Variants in COL25A1 observed in about 807,000 individuals in gnomAD.
COL25A1 encodes the protein collagen alpha-1(XXV) chain.
In COL25A1, 103 loss-of-function variants were observed where a neutral mutation model predicts 128.4. That is an observed-to-expected ratio of 0.80 (90% confidence interval 0.68 to 0.94). The LOEUF (loss-of-function observed/expected upper bound fraction) is 0.94. COL25A1 is among the 40% of genes least tolerant of loss of function. The probability of loss-of-function intolerance (pLI) is 0.00; values close to 1 mark genes in which losing one functional copy is unlikely to be tolerated. For synonymous variants in COL25A1, 279 were observed against 277.2 expected (o/e 1.01, Z -0.06); for missense variants, 745 against 840.0 (o/e 0.89, Z 1.40).
chr4:108,979,945 A>AGG (rs2125995151), intron 6 of COL25A1, among the ~76,000 whole-genome samples: 1 of 152,196 alleles, frequency 6.6e-6, no homozygotes, highest in East Asian at 1.9e-4. Flanking sequence ...AAGGCGATGG[A>AGG]AGATGGAGGG....
intron 3 of COL25A1, among the ~76,000 whole-genome samples, chr4:109,054,771 G>A (rs1440312316): frequency 1.3e-5 from 2 of 152,160 alleles, no homozygotes; most frequent in Non-Finnish European, 2.9e-5. Flanking sequence ...GGTCTGGGAG[G>A]GACAGAGTGA....
intron 3 of COL25A1, among the ~76,000 whole-genome samples, chr4:109,108,346 C>A (rs1255985080): frequency 1.3e-5 from 2 of 152,076 alleles, no homozygotes; most frequent in African/African-American, 2.4e-5. Context: ...CATGTCCCTA[C>A]AAAGGACATG....
intron 3 of COL25A1, among the ~76,000 whole-genome samples, chr4:109,183,056 G>A (rs549075153): frequency 6.6e-6 from 1 of 152,140 alleles, no homozygotes; most frequent in South Asian, 2.1e-4. Context: ...ACTAGGATTA[G>A]CCTAGTTACT....
intron 11 of COL25A1, chr4:108,921,116 AC>A (rs1268677559): frequency 6.5e-6 from 1 of 154,314 alleles, no homozygotes; most frequent in African/African-American, 2.4e-5. Flanking sequence ...ACTAACCTGC[AC>A]AAAAACTTGT....
At chr4:108,923,480 G>A (rs907276106) in intron 11 of COL25A1, among the ~76,000 whole-genome samples, 3 of 152,036 alleles carry the variant, frequency 2.0e-5, no homozygotes, top group African/African-American at 7.2e-5. Context: ...CAAGTAGCTG[G>A]GACTACAAGC....
chr4:108,886,829 C>T (rs1035456646), intron 18 of COL25A1, among the ~76,000 whole-genome samples: 3 of 152,128 alleles, frequency 2.0e-5, no homozygotes, highest in Non-Finnish European at 4.4e-5. Context: ...ACCTTTCACC[C>T]TCCATTACAG....
At chr4:109,239,067 T>C (rs1405400050) in intron 3 of COL25A1, among the ~76,000 whole-genome samples, 1 of 152,012 alleles carries the variant, frequency 6.6e-6, no homozygotes, top group Non-Finnish European at 1.5e-5. Context: ...AACAGGTTTC[T>C]ACTGATGGAA....
At chr4:108,995,406 A>G (rs1320767103) in intron 6 of COL25A1, among the ~76,000 whole-genome samples, 1 of 152,224 alleles carries the variant, frequency 6.6e-6, no homozygotes, top group African/African-American at 2.4e-5. Flanking sequence ...AAGTGAGAAG[A>G]CAAGATTAGA....
intron 3 of COL25A1, among the ~76,000 whole-genome samples, chr4:109,268,938 T>TC (rs1352365483): frequency 2.7e-5 from 4 of 149,168 alleles, no homozygotes. Context: ...TTCTTTTTCT[T>TC]TTTTTTTTTA....
chr4:108,840,997 G>A (rs1054367026), intron 31 of COL25A1, among the ~76,000 whole-genome samples: 11 of 152,182 alleles, frequency 7.2e-5, no homozygotes, highest in African/African-American at 2.7e-4. Context: ...TCTTCATCAC[G>A]TATGCTCCCT....
At chr4:108,841,425 A>G (rs1377679922) in intron 31 of COL25A1, among the ~76,000 whole-genome samples, 1 of 152,196 alleles carries the variant, frequency 6.6e-6, no homozygotes, top group Non-Finnish European at 1.5e-5. Context: ...TAAATGGTTG[A>G]CTTGAGTACA....
intron 3 of COL25A1, among the ~76,000 whole-genome samples, chr4:109,226,003 AC>A (rs1478106058): frequency 2.3e-4 from 31 of 134,122 alleles, no homozygotes; most frequent in Admixed American, 8.0e-4. Flanking sequence ...TAATACACAC[AC>A]ACACACACAC....
chr4:109,159,257 T>C (rs1772328482), intron 3 of COL25A1, among the ~76,000 whole-genome samples: 1 of 151,836 alleles, frequency 6.6e-6, no homozygotes, highest in Non-Finnish European at 1.5e-5. Context: ...AGGCTTTAAT[T>C]AAATTTAAAA....
At chr4:108,928,890 C>T (rs1746400975) in intron 11 of COL25A1, among the ~76,000 whole-genome samples, 1 of 152,120 alleles carries the variant, frequency 6.6e-6, no homozygotes, top group African/African-American at 2.4e-5. Flanking sequence ...ATGGTGACTG[C>T]ATTGAACAGT....
chr4:109,206,596 C>T (rs1011882661), intron 3 of COL25A1, among the ~76,000 whole-genome samples: 7 of 152,226 alleles, frequency 4.6e-5, no homozygotes, highest in South Asian at 2.1e-4. Context: ...CAACACTTTT[C>T]GATTAATTAG....
intron 6 of COL25A1, among the ~76,000 whole-genome samples, chr4:109,004,852 T>C (rs2126035688): frequency 6.6e-6 from 1 of 152,342 alleles, no homozygotes; most frequent in African/African-American, 2.4e-5. Flanking sequence ...ACCAGTTTCA[T>C]GTATTTATTT....
At chr4:108,900,922 C>T (rs897434904) in intron 14 of COL25A1, among the ~76,000 whole-genome samples, 197 bp downstream of exon 14, 25 of 152,100 alleles carry the variant, frequency 1.6e-4, no homozygotes, top group African/African-American at 5.6e-4. Flanking sequence ...TATTTTTCTG[C>T]ATTTAATACT....
At chr4:109,053,999 C>A (rs72883428) in intron 3 of COL25A1, among the ~76,000 whole-genome samples, 3,608 of 152,242 alleles carry the variant, frequency 0.024, 142 homozygotes, top group African/African-American at 0.08. Flanking sequence ...ACGAGAATGG[C>A]TTAATGGTCA....
intron 19 of COL25A1, among the ~76,000 whole-genome samples, chr4:108,869,427 C>T (rs1182757918): frequency 3.3e-5 from 5 of 152,010 alleles, no homozygotes; most frequent in Non-Finnish European, 7.4e-5. Flanking sequence ...ATGTGCAAAC[C>T]CCTGAATTTG....
Sources: allele counts gnomAD v4.1 joint callset (sites outside exome capture counted in the v4.1 genomes callset), GRCh38; gene constraint gnomAD v4.1.1; transcripts MANE v1.5; gene names NCBI Gene and HGNC (gene_info 2026-07-23, HGNC 2026-07-21).